Variants in DOCK2 observed in about 807,000 individuals in gnomAD.
The protein encoded by DOCK2 is dedicator of cytokinesis 2, also known as dedicator of cytokinesis protein 2.
Under a neutral mutation model 248.9 loss-of-function variants are expected in DOCK2, and 87 were observed. The observed-to-expected ratio is 0.35, with a 90% confidence interval of 0.29 to 0.42. DOCK2 has a LOEUF of 0.42. DOCK2 is among the 10% of genes least tolerant of loss of function. DOCK2 has a pLI of 1.00. For synonymous variants in DOCK2, 805 were observed against 821.6 expected (o/e 0.98, Z 0.35); for missense variants, 1,747 against 2,300.2 (o/e 0.76, Z 4.92).
chr5:169,940,887 G>A (rs1380104538), intron 27 of DOCK2, among the ~76,000 whole-genome samples: 1 of 152,210 alleles, frequency 6.6e-6, no homozygotes, highest in Non-Finnish European at 1.5e-5. Flanking sequence ...CAGATCTAGT[G>A]GGTAAGGCCA....
chr5:169,784,478 T>C (rs1380134568), intron 25 of DOCK2, among the ~76,000 whole-genome samples: 3 of 152,218 alleles, frequency 2.0e-5, no homozygotes, highest in Non-Finnish European at 4.4e-5. Context: ...TTTTAGTTTC[T>C]TTCTTTCATT....
chr5:169,806,802 G>A (rs907675916), intron 26 of DOCK2, among the ~76,000 whole-genome samples: 2 of 152,050 alleles, frequency 1.3e-5, no homozygotes, highest in Admixed American at 6.6e-5. Context: ...GGGGAGGGAC[G>A]GGGAGGGGAC....
chr5:169,698,888 A>G (rs1244876913), intron 11 of DOCK2, among the ~76,000 whole-genome samples: 1 of 152,214 alleles, frequency 6.6e-6, no homozygotes, highest in African/African-American at 2.4e-5. Flanking sequence ...CCTGGTTCTC[A>G]TGGATAGACG....
At position 169,698,464 on chromosome 5, in the gene DOCK2, A is replaced by C. The variant is rs1251492459; in HGVS notation, c.1055+15A>C. On this transcript the variant is annotated intron_variant, in intron 11 of 51. Transcript: ENST00000520908. The stretch of plus-strand genomic sequence containing the variant: ...CCTTTTCACCCGTAAGACATTTCCC[A>C]TTTCTTTCCATTCTCTTCAACCACA... 1.1e-5 allele frequency: 17 copies of C among 1,613,456 alleles called. No homozygotes were observed. The highest frequency in any genetic ancestry group is 1.4e-5 in the Non-Finnish European group (17 of 1,179,454).
intron 22 of DOCK2, among the ~76,000 whole-genome samples, chr5:169,739,118 AGT>A (rs1381182162): frequency 6.6e-6 from 1 of 152,254 alleles, no homozygotes; most frequent in African/African-American, 2.4e-5. Flanking sequence ...CAGGGCTCTC[AGT>A]GGAAGAGCCT....
intron 11 of DOCK2, among the ~76,000 whole-genome samples, chr5:169,698,864 G>A (rs1388968888): frequency 6.6e-6 from 1 of 152,198 alleles, no homozygotes; most frequent in Admixed American, 6.5e-5. Flanking sequence ...GGAGCGTGTG[G>A]CAGGGAATCC....
chr5:169,883,164 T>A (rs1278896187), intron 27 of DOCK2: 1 of 1,551,584 alleles, frequency 6.4e-7, no homozygotes. Flanking sequence ...GAGTCACCCT[T>A]CTCCCATCAC....
rs184725222 is a variant in DOCK2 at position 170,046,848 on chromosome 5, C to A, written c.3967-662C>A. 2.6e-5 allele frequency among the ~76,000 whole-genome samples: 4 copies of A among 152,270 alleles called. No homozygotes were observed. The East Asian group carries it at 7.7e-4, about 29-fold the overall frequency. On this transcript the variant is annotated intron_variant, in intron 39 of 51. Transcript: ENST00000520908. Reference sequence around the variant, plus strand: ...ACTTGCCTGCACAGAGTCCACATCACACAGGCCCCCGTCTAGATCCACATA... The same window carrying A: ...ACTTGCCTGCACAGAGTCCACATCAAACAGGCCCCCGTCTAGATCCACATA...
At chr5:169,964,834 G>A (rs1333419558) in intron 27 of DOCK2, among the ~76,000 whole-genome samples, 1 of 152,218 alleles carries the variant, frequency 6.6e-6, no homozygotes, top group African/African-American at 2.4e-5. Flanking sequence ...GTTGCTTGGA[G>A]GATTCAAAGG....
At chr5:169,673,103 C>T (rs948225934) in intron 5 of DOCK2, among the ~76,000 whole-genome samples, 11 of 152,182 alleles carry the variant, frequency 7.2e-5, no homozygotes, top group African/African-American at 2.4e-4. Flanking sequence ...TCCTCAGTCC[C>T]CCTCCCCTCC....
At chr5:169,714,501 G>A in intron 19 of DOCK2, 44 bp downstream of exon 19, 5 of 1,606,594 alleles carry the variant, frequency 3.1e-6, no homozygotes, top group Non-Finnish European at 4.3e-6. Flanking sequence ...ACTAGTGACA[G>A]AACTCTCCAT....
chr5:169,679,289 A>G lies in DOCK2; in HGVS notation c.471-2455A>G, dbSNP rs546223114. On this transcript the variant is annotated intron_variant, in intron 6 of 51. Coordinates refer to ENST00000520908, the MANE Select transcript of DOCK2 (RefSeq NM_004946.3). ...TCTACCCTCATCTTGGCTTCATTTT[A>G]TCACTTCCTTGAACAGAAGAGAGCA... 2.6e-5 allele frequency among the ~76,000 whole-genome samples: 4 copies of G among 152,276 alleles called. No individual in the cohort carries two copies. In the South Asian group the frequency reaches 6.2e-4, roughly 24 times the overall value.
intron 25 of DOCK2, among the ~76,000 whole-genome samples, chr5:169,802,790 A>G (rs150279061): frequency 1.3e-5 from 2 of 152,342 alleles, no homozygotes; most frequent in East Asian, 3.9e-4. Flanking sequence ...ACATTTTTAT[A>G]TGTATGTGTA....
rs577269066 is a variant in DOCK2, at chr5:170,027,920, G to A, written c.3439G>A (p.Glu1147Lys). The change falls in exon 34 of 52, where the codon GAG (glutamate) becomes AAG (lysine). Residue 1147 changes from glutamate to lysine, a missense_variant. Coordinates refer to ENST00000520908, the MANE Select transcript of DOCK2 (RefSeq NM_004946.3). ...DHEVEGGRGD[E>K]QYMQLLESIL... ...CGAGGTAGAAGGGGGCCGAGGCGAC[G>A]AGCAGTACATGCAGCTCCTGGAGTC... The A allele has an allele frequency of 7.4e-6, 12 of 1,613,524 alleles. No individual in the cohort carries two copies. Among genetic ancestry groups the A allele is most frequent in the South Asian group, 2.2e-5 (2 of 90,976 alleles).
chr5:169,873,110 G>A (rs968087019), intron 27 of DOCK2, among the ~76,000 whole-genome samples: 1 of 152,112 alleles, frequency 6.6e-6, no homozygotes, highest in South Asian at 2.1e-4. Flanking sequence ...TATGGCATGT[G>A]TCAGCCTCTT....
At chr5:169,813,495 A>G (rs1767883231) in intron 26 of DOCK2, among the ~76,000 whole-genome samples, 1 of 152,168 alleles carries the variant, frequency 6.6e-6, no homozygotes, top group African/African-American at 2.4e-5. Flanking sequence ...ATGGACAAAC[A>G]TCTACCAGCA....
intron 42 of DOCK2, 81 bp downstream of exon 42, chr5:170,055,467 AC>A: frequency 7.8e-7 from 1 of 1,288,742 alleles, no homozygotes; most frequent in Non-Finnish European, 1.1e-6. Flanking sequence ...GGCAGAACAG[AC>A]CCCAGTGTCT....
At chr5:170,028,445 G>C (rs374949382) in intron 34 of DOCK2, 4 of 154,506 alleles carry the variant, frequency 2.6e-5, no homozygotes, top group African/African-American at 7.2e-5. Flanking sequence ...AAACTAGGAC[G>C]AGCTAGTGGG....
At chr5:170,078,029 C>T (rs1757897934) in intron 48 of DOCK2, among the ~76,000 whole-genome samples, 192 bp downstream of exon 48, 1 of 152,160 alleles carries the variant, frequency 6.6e-6, no homozygotes, top group African/African-American at 2.4e-5. Flanking sequence ...AGGGGATTAT[C>T]AGAGGCTCAG....
Sources: allele counts gnomAD v4.1 joint callset (sites outside exome capture counted in the v4.1 genomes callset), GRCh38; gene constraint gnomAD v4.1.1; transcripts MANE v1.5; gene names NCBI Gene and HGNC (gene_info 2026-07-23, HGNC 2026-07-21).